The following GRIK2 variants were observed in gnomAD, a reference collection of about 807,000 sequenced individuals.
The protein encoded by GRIK2 is glutamate ionotropic receptor kainate type subunit 2.
Under a neutral mutation model 100.3 loss-of-function variants are expected in GRIK2, and 32 were observed. The ratio of observed to expected loss-of-function variants is 0.32; its 90% CI spans 0.24 to 0.43. The LOEUF (loss-of-function observed/expected upper bound fraction) is 0.43, where lower values mean the gene tolerates loss of function less well. Among genes scored for constraint, GRIK2 ranks in the 20% least tolerant of loss-of-function variants. The probability of loss-of-function intolerance (pLI) is 1.00; values close to 1 mark genes in which losing one functional copy is unlikely to be tolerated. For synonymous variants in GRIK2, 417 were observed against 389.4 expected (o/e 1.07, Z -0.83); for missense variants, 843 against 1,114.9 (o/e 0.76, Z 3.47).
intron 7 of GRIK2, among the ~76,000 whole-genome samples, chr6:101,707,411 T>A (rs1686940732): frequency 1.3e-5 from 2 of 148,654 alleles, no homozygotes; most frequent in African/African-American, 4.9e-5. Context: ...GTGTGCAGTA[T>A]ACATATATAA....
chr6:101,577,498 A>C (rs1052720280), intron 2 of GRIK2, among the ~76,000 whole-genome samples: 3 of 152,118 alleles, frequency 2.0e-5, no homozygotes, highest in African/African-American at 4.8e-5. Context: ...TGTCAACCTC[A>C]AATTAGAACA....
intron 2 of GRIK2, among the ~76,000 whole-genome samples, chr6:101,455,842 A>G (rs926552477): frequency 3.9e-5 from 6 of 152,128 alleles, no homozygotes; most frequent in Admixed American, 3.3e-4. Context: ...AACTTGTTTT[A>G]TGGCTGAATG....
At chr6:101,736,522 G>C (rs892609434) in intron 7 of GRIK2, among the ~76,000 whole-genome samples, 2 of 152,190 alleles carry the variant, frequency 1.3e-5, no homozygotes, top group Non-Finnish European at 2.9e-5. Flanking sequence ...AAGCTGCCAA[G>C]GCTTGGGGCT....
intron 2 of GRIK2, among the ~76,000 whole-genome samples, chr6:101,592,615 A>ATATATG (rs1554225427): frequency 3.9e-5 from 5 of 127,820 alleles, no homozygotes; most frequent in African/African-American, 1.7e-4. Flanking sequence ...ATATATATAT[A>ATATATG]TATATATATT....
chr6:101,989,794 ACTC>A (rs1794253026), intron 14 of GRIK2, among the ~76,000 whole-genome samples: 2 of 151,404 alleles, frequency 1.3e-5, no homozygotes, highest in African/African-American at 4.8e-5. Flanking sequence ...AGGCTAATAA[ACTC>A]CTCATTGATA....
At chr6:101,728,287 T>C (rs1266938557) in intron 7 of GRIK2, among the ~76,000 whole-genome samples, 1 of 152,056 alleles carries the variant, frequency 6.6e-6, no homozygotes, top group African/African-American at 2.4e-5. Flanking sequence ...TAAGTAACAA[T>C]AGTATATCAA....
intron 2 of GRIK2, among the ~76,000 whole-genome samples, chr6:101,617,996 C>CGT (rs889789418): frequency 6.6e-6 from 1 of 151,188 alleles, no homozygotes; most frequent in Non-Finnish European, 1.5e-5. Context: ...CACATATACA[C>CGT]GTGTGTGTGT....
At chr6:101,466,985 C>T (rs966249431) in intron 2 of GRIK2, among the ~76,000 whole-genome samples, 2 of 152,220 alleles carry the variant, frequency 1.3e-5, no homozygotes, top group Admixed American at 6.5e-5. Context: ...TTGATCTAAG[C>T]ACCCGCTAAT....
chr6:101,633,804 C>T (rs1001720391), intron 4 of GRIK2, among the ~76,000 whole-genome samples: 4 of 152,008 alleles, frequency 2.6e-5, no homozygotes, highest in Admixed American at 6.6e-5. Flanking sequence ...AGAAGAAACA[C>T]GTAGCTTGTA....
At chr6:101,624,208 G>A (rs959281266) in intron 3 of GRIK2, among the ~76,000 whole-genome samples, 1 of 151,912 alleles carries the variant, frequency 6.6e-6, no homozygotes, top group African/African-American at 2.4e-5. Context: ...CTCTAATCTT[G>A]CTTGAAACAC....
chr6:101,658,209 C>G (rs1769339930), intron 4 of GRIK2, among the ~76,000 whole-genome samples: 1 of 152,090 alleles, frequency 6.6e-6, no homozygotes, highest in Non-Finnish European at 1.5e-5. Context: ...TCCCCTAGTC[C>G]CTCACCCCCA....
At chr6:101,880,444 A>T (rs919440733) in intron 11 of GRIK2, among the ~76,000 whole-genome samples, 2 of 151,978 alleles carry the variant, frequency 1.3e-5, no homozygotes, top group Non-Finnish European at 2.9e-5. Flanking sequence ...TCTTGCTTCA[A>T]AGAGTTGTGT....
intron 2 of GRIK2, among the ~76,000 whole-genome samples, chr6:101,561,266 T>G (rs1776998602): frequency 6.6e-6 from 1 of 152,014 alleles, no homozygotes; most frequent in Admixed American, 6.6e-5. Context: ...TGTAATGGGC[T>G]TAAAAGGATT....
chr6:101,534,442 G>T (rs1775592001), intron 2 of GRIK2, among the ~76,000 whole-genome samples: 1 of 151,834 alleles, frequency 6.6e-6, no homozygotes, highest in Admixed American at 6.6e-5. Flanking sequence ...GTCTACATCT[G>T]ATTATTGTGA....
At chr6:101,736,402 A>G (rs368811145) in intron 7 of GRIK2, among the ~76,000 whole-genome samples, 1 of 152,138 alleles carries the variant, frequency 6.6e-6, no homozygotes, top group African/African-American at 2.4e-5. Context: ...CCCTGCAGCA[A>G]ACTTCTGCTT....
At chr6:101,399,513 G>A (rs937062239) in intron 2 of GRIK2, 121 bp downstream of exon 2, 2 of 660,496 alleles carry the variant, frequency 3.0e-6, no homozygotes, top group Admixed American at 2.5e-5. Context: ...CTGCTCTGTC[G>A]TCTCCTGGGG....
intron 2 of GRIK2, among the ~76,000 whole-genome samples, chr6:101,578,373 A>C (rs1777887678): frequency 6.6e-6 from 1 of 152,174 alleles, no homozygotes; most frequent in African/African-American, 2.4e-5. Context: ...TTGGAAGAAC[A>C]AAATAGTCTT....
At chr6:101,663,693 A>C (rs1032609471) in intron 4 of GRIK2, among the ~76,000 whole-genome samples, 6 of 152,378 alleles carry the variant, frequency 3.9e-5, no homozygotes, top group Admixed American at 6.5e-5. Context: ...AATTCTGCAC[A>C]CAGACCAAAG....
intron 11 of GRIK2, among the ~76,000 whole-genome samples, chr6:101,875,949 C>T (rs1462300459): frequency 6.6e-6 from 1 of 151,646 alleles, no homozygotes; most frequent in Non-Finnish European, 1.5e-5. Context: ...TTCTTATAGA[C>T]AGTCTTCTGT....
Sources: allele counts gnomAD v4.1 joint callset (sites outside exome capture counted in the v4.1 genomes callset), GRCh38; gene constraint gnomAD v4.1.1; transcripts MANE v1.5; gene names NCBI Gene and HGNC (gene_info 2026-07-23, HGNC 2026-07-21).